SAE1: variants seen among roughly 807,000 people sequenced by gnomAD.
SAE1 encodes the protein SUMO1 activating enzyme subunit 1, also known as SUMO-activating enzyme subunit 1.
A neutral mutation model predicts 40.6 loss-of-function variants in SAE1; 11 were observed. The observed-to-expected ratio is 0.27, with a 90% CI of 0.17 to 0.45. The LOEUF is 0.45. SAE1 is among the 20% of genes least tolerant of loss of function. SAE1 has a pLI of 1.00. For missense variants in SAE1, 373 were observed against 427.3 expected, an observed-to-expected ratio of 0.87 and a Z score of 1.12; for synonymous variants, 155 against 154.3, an observed-to-expected ratio of 1.00 and a Z score of -0.03.
At chr19:47,168,231 A>G (rs1191125721) in intron 5 of SAE1, among the ~76,000 whole-genome samples, 1 of 151,800 alleles carries the variant, frequency 6.6e-6, no homozygotes, top group African/African-American at 2.4e-5. Flanking sequence ...GTTTTTTTGT[A>G]TGTGTGTTTA....
At chr19:47,176,739 T>G (rs2058470968) in intron 6 of SAE1, among the ~76,000 whole-genome samples, 1 of 152,220 alleles carries the variant, frequency 6.6e-6, no homozygotes, top group Non-Finnish European at 1.5e-5. Context: ...TTTTTCCAGT[T>G]TACTTAATAA....
At chr19:47,152,615 G>A (rs1600161736) in intron 3 of SAE1, among the ~76,000 whole-genome samples, 2 of 152,104 alleles carry the variant, frequency 1.3e-5, no homozygotes, top group South Asian at 2.1e-4. Flanking sequence ...GTATATGTTC[G>A]TGGATTACAG....
At chr19:47,159,393 C>G (rs1320115970) in intron 5 of SAE1, among the ~76,000 whole-genome samples, 2 of 152,110 alleles carry the variant, frequency 1.3e-5, no homozygotes, top group African/African-American at 4.8e-5. Flanking sequence ...TCTGTCTCCC[C>G]GCTTCCATTT....
intron 5 of SAE1, among the ~76,000 whole-genome samples, chr19:47,168,524 A>G (rs1387327857): frequency 6.6e-6 from 1 of 152,048 alleles, no homozygotes. Flanking sequence ...TGACTCCTGG[A>G]CTCAGGTGAT....
intron 1 of SAE1, among the ~76,000 whole-genome samples, chr19:47,131,428 C>T (rs990758045): frequency 3.3e-5 from 5 of 152,066 alleles, no homozygotes; most frequent in Admixed American, 6.6e-5. Flanking sequence ...GGACCTGGTT[C>T]CGTGCTGCAC....
At chr19:47,178,589 T>G (rs1167229488) in intron 6 of SAE1, among the ~76,000 whole-genome samples, 1 of 152,208 alleles carries the variant, frequency 6.6e-6, no homozygotes, top group Non-Finnish European at 1.5e-5. Context: ...TTCTCCTGCC[T>G]CAGCCTCCAA....
chr19:47,159,104 G>A (rs2058341750), intron 5 of SAE1, among the ~76,000 whole-genome samples: 1 of 152,134 alleles, frequency 6.6e-6, no homozygotes, highest in Non-Finnish European at 1.5e-5. Flanking sequence ...TAAAGACAAA[G>A]TAGGGTTTGT....
At chr19:47,196,758 G>A (rs893426000) in intron 6 of SAE1, among the ~76,000 whole-genome samples, 2 of 151,890 alleles carry the variant, frequency 1.3e-5, no homozygotes, top group Non-Finnish European at 2.9e-5. Flanking sequence ...TTGTTTCCTC[G>A]GGGAAGCCTT....
intron 6 of SAE1, among the ~76,000 whole-genome samples, chr19:47,177,494 G>A (rs2058477259): frequency 1.3e-5 from 2 of 152,016 alleles, no homozygotes; most frequent in Admixed American, 6.6e-5. Flanking sequence ...AAGTAGCTGG[G>A]ACTACAGGCG....
intron 6 of SAE1, among the ~76,000 whole-genome samples, chr19:47,184,808 G>GT (rs768620981): frequency 1.4e-5 from 2 of 144,562 alleles, no homozygotes; most frequent in African/African-American, 5.5e-5. Flanking sequence ...TTTTTGTTTT[G>GT]TTTTGTTTTG....
chr19:47,166,950 A>G (rs1163177389), intron 5 of SAE1, among the ~76,000 whole-genome samples: 1 of 151,996 alleles, frequency 6.6e-6, no homozygotes, highest in Non-Finnish European at 1.5e-5. Flanking sequence ...TTCACTAGCA[A>G]TTTGAACTTT....
chr19:47,149,257 G>A (rs1283431838), intron 2 of SAE1, among the ~76,000 whole-genome samples: 3 of 137,336 alleles, frequency 2.2e-5, no homozygotes, highest in East Asian at 2.4e-4. Flanking sequence ...TGCAACCTCC[G>A]CCTCCCCTGT....
intron 2 of SAE1, among the ~76,000 whole-genome samples, chr19:47,145,653 T>G (rs1037645551): frequency 6.6e-6 from 1 of 152,120 alleles, no homozygotes; most frequent in African/African-American, 2.4e-5. Flanking sequence ...CAACCTCAGC[T>G]CACTGCAACC....
intron 5 of SAE1, among the ~76,000 whole-genome samples, chr19:47,167,931 G>A (rs781651378): frequency 8.5e-5 from 13 of 152,132 alleles, no homozygotes; most frequent in Non-Finnish European, 1.6e-4. Flanking sequence ...AGTGGCTCAC[G>A]CCTATAATCC....
intron 6 of SAE1, among the ~76,000 whole-genome samples, chr19:47,194,747 C>CTTTT (rs1232339267): frequency 8.0e-6 from 1 of 124,878 alleles, no homozygotes; most frequent in African/African-American, 3.0e-5. Flanking sequence ...GTTAATCAGT[C>CTTTT]TTTTTTTTTT....
intron 1 of SAE1, among the ~76,000 whole-genome samples, chr19:47,143,251 G>A (rs1008832085): frequency 5.9e-5 from 9 of 152,038 alleles, no homozygotes; most frequent in African/African-American, 1.4e-4. Context: ...GATTACAGGC[G>A]CCTGCCACTA....
chr19:47,209,132 AAACC>A (rs751590115), intron 8 of SAE1, 23 bp from the exon 9 acceptor site: 39 of 1,610,682 alleles, frequency 2.4e-5, no homozygotes, highest in Non-Finnish European at 3.0e-5. Context: ...CACTTGAGCT[AAACC>A]CTCTTTTCAT....
chr19:47,170,116 A>G (rs2058421681), intron 6 of SAE1, among the ~76,000 whole-genome samples, 193 bp downstream of exon 6: 1 of 152,146 alleles, frequency 6.6e-6, no homozygotes, highest in Non-Finnish European at 1.5e-5. Flanking sequence ...CTGGGTTCTA[A>G]TGACTTCTCC....
At chr19:47,195,474 A>G (rs2058607777) in intron 6 of SAE1, among the ~76,000 whole-genome samples, 1 of 152,176 alleles carries the variant, frequency 6.6e-6, no homozygotes, top group African/African-American at 2.4e-5. Flanking sequence ...CTGGTTCACA[A>G]CCAAAATTAA....
Sources: gnomAD v4.1 joint callset for allele counts (sites outside exome capture counted in the v4.1 genomes callset) on GRCh38, gnomAD v4.1.1 for gene constraint, MANE v1.5 for transcripts, NCBI Gene and HGNC (gene_info 2026-07-23, HGNC 2026-07-21) for gene names.